FHIP1A: variants seen among roughly 807,000 people sequenced by gnomAD.
FHIP1A encodes the protein FHF complex subunit HOOK-interacting protein 1A.
FHIP1A carries 61 observed loss-of-function variants against 88.6 expected under a neutral mutation model. That is an observed-to-expected ratio of 0.69 (90% confidence interval 0.56 to 0.85). The LOEUF (loss-of-function observed/expected upper bound fraction) is 0.85. Ranked by LOEUF, FHIP1A falls within the 40% of genes least tolerant of loss-of-function variation. FHIP1A has a pLI of 0.00. For synonymous variants in FHIP1A, 478 were observed against 496.0 expected (o/e 0.96, Z 0.48); for missense variants, 1,154 against 1,273.5 (o/e 0.91, Z 1.43).
At chr4:151,605,010 C>G (rs1469290338) in intron 7 of FHIP1A, among the ~76,000 whole-genome samples, 2 of 152,224 alleles carry the variant, frequency 1.3e-5, no homozygotes, top group East Asian at 3.9e-4. Context: ...TTGTCATTAG[C>G]TTGGGAAAAT....
intron 5 of FHIP1A, among the ~76,000 whole-genome samples, chr4:151,580,199 T>C (rs1202870905): frequency 1.3e-5 from 2 of 152,166 alleles, no homozygotes; most frequent in South Asian, 2.1e-4. Context: ...CCCCATGACA[T>C]TGACTTTTTA....
intron 3 of FHIP1A, among the ~76,000 whole-genome samples, chr4:151,548,579 C>T (rs1263659124): frequency 6.6e-6 from 1 of 152,228 alleles, no homozygotes; most frequent in African/African-American, 2.4e-5. Flanking sequence ...CACTGCTACA[C>T]TCCCATCAGC....
intron 7 of FHIP1A, among the ~76,000 whole-genome samples, chr4:151,610,186 C>T (rs866852657): frequency 3.3e-5 from 5 of 152,124 alleles, no homozygotes; most frequent in African/African-American, 1.2e-4. Context: ...AATGCTTTAC[C>T]TTATAGGACT....
intron 8 of FHIP1A, among the ~76,000 whole-genome samples, chr4:151,631,996 A>G (rs780114771): frequency 1.3e-5 from 2 of 152,156 alleles, no homozygotes; most frequent in Non-Finnish European, 2.9e-5. Flanking sequence ...GTCAAAAGAT[A>G]TAAACTGGCT....
intron 1 of FHIP1A, among the ~76,000 whole-genome samples, chr4:151,444,990 C>T (rs573665859): frequency 6.6e-6 from 1 of 152,210 alleles, no homozygotes; most frequent in East Asian, 1.9e-4. Context: ...GTTAGAGAGC[C>T]CACACATTAA....
At chr4:151,569,987 C>G (rs1488488258) in intron 4 of FHIP1A, among the ~76,000 whole-genome samples, 5 of 152,180 alleles carry the variant, frequency 3.3e-5, no homozygotes, top group African/African-American at 9.7e-5. Context: ...AAAGTAGCCC[C>G]TGACTTCCTG....
At chr4:151,414,661 A>G (rs550457419) in intron 1 of FHIP1A, among the ~76,000 whole-genome samples, 12 of 152,264 alleles carry the variant, frequency 7.9e-5, no homozygotes, top group African/African-American at 1.4e-4. Flanking sequence ...TCCAGTATCT[A>G]TGTGTTTTGC....
Position 151,668,689 on chromosome 4 carries a change from C to T in FHIP1A, c.*5935C>T, listed in dbSNP as rs1737751517. On this transcript the variant is annotated 3_prime_UTR_variant, in exon 14 of 14. Transcript: ENST00000435205. ...TCAAAAGGGCCCCACAAAAGGCTGT[C>T]CATTAATTTGTTTCATACAGTAAGC... Among the ~76,000 whole-genome samples the T allele has an allele frequency of 6.6e-6, 1 of 152,208 alleles. No homozygotes were observed. The highest frequency in any genetic ancestry group is 1.5e-5 in the Non-Finnish European group (1 of 68,032).
intron 8 of FHIP1A, among the ~76,000 whole-genome samples, chr4:151,632,547 G>A (rs1408348843): frequency 6.6e-6 from 1 of 151,966 alleles, no homozygotes; most frequent in Non-Finnish European, 1.5e-5. Flanking sequence ...CTCCTCAAGG[G>A]CACATGGAAC....
At chr4:151,467,022 T>C (rs1344327766) in intron 2 of FHIP1A, among the ~76,000 whole-genome samples, 1 of 152,188 alleles carries the variant, frequency 6.6e-6, no homozygotes, top group Non-Finnish European at 1.5e-5. Context: ...CAAAAGAAAC[T>C]AGCATCAGAG....
At chr4:151,613,517 A>AT (rs1472837371) in intron 7 of FHIP1A, among the ~76,000 whole-genome samples, 1 of 152,138 alleles carries the variant, frequency 6.6e-6, no homozygotes, top group African/African-American at 2.4e-5. Flanking sequence ...CTGGGCTTGA[A>AT]TTTTCTTTGA....
At chr4:151,600,287 T>G (rs1734813134) in intron 7 of FHIP1A, among the ~76,000 whole-genome samples, 1 of 152,226 alleles carries the variant, frequency 6.6e-6, no homozygotes, top group Non-Finnish European at 1.5e-5. Context: ...ATATCATTTC[T>G]ATTGACATTT....
chr4:151,449,553 CCTAA>C (rs111322908), intron 1 of FHIP1A, among the ~76,000 whole-genome samples: 11 of 152,170 alleles, frequency 7.2e-5, no homozygotes, highest in Non-Finnish European at 1.3e-4. Flanking sequence ...AAACCTCTCT[CCTAA>C]CTATTTTGTA....
Position 151,669,013 on chromosome 4 carries a change from C to T in FHIP1A, c.*6259C>T, listed in dbSNP as rs28463438. Among the ~76,000 whole-genome samples, 23,913 of 152,098 alleles carry T rather than the reference C, an allele frequency of 0.16. 2,347 individuals carry two copies. Among genetic ancestry groups the T allele is most frequent in the African/African-American group, 0.29 (11,916 of 41,412 alleles). On this transcript the variant is annotated 3_prime_UTR_variant, in exon 14 of 14. Coordinates refer to ENST00000435205, the MANE Select transcript of FHIP1A (RefSeq NM_001109977.3). ...CTCATACATTTTAATGAGATTTCTC[C>T]CTGAAGGGTGAACCAGTAGACCAGA...
At chr4:151,580,117 A>G (rs1560780552) in intron 5 of FHIP1A, among the ~76,000 whole-genome samples, 1 of 152,204 alleles carries the variant, frequency 6.6e-6, no homozygotes, top group Non-Finnish European at 1.5e-5. Flanking sequence ...GTAGAGTCCA[A>G]TAAAAGATAT....
chr4:151,584,415 T>G (rs565535326), intron 5 of FHIP1A, among the ~76,000 whole-genome samples: 2 of 152,126 alleles, frequency 1.3e-5, no homozygotes, highest in African/African-American at 2.4e-5. Context: ...AAGGCAACAA[T>G]AGGTCTACAG....
intron 7 of FHIP1A, among the ~76,000 whole-genome samples, chr4:151,612,455 A>T (rs1735358834): frequency 1.3e-5 from 2 of 152,188 alleles, no homozygotes; most frequent in South Asian, 4.1e-4. Context: ...ATCTCTGCTC[A>T]CTGCAACCTC....
intron 1 of FHIP1A, among the ~76,000 whole-genome samples, chr4:151,416,606 A>G (rs1369833517): frequency 1.3e-5 from 2 of 152,178 alleles, no homozygotes; most frequent in South Asian, 2.1e-4. Flanking sequence ...AAAACTTTGT[A>G]CATCCTCAAA....
intron 3 of FHIP1A, among the ~76,000 whole-genome samples, chr4:151,524,224 C>T (rs1308092876): frequency 6.6e-6 from 1 of 151,876 alleles, no homozygotes; most frequent in Non-Finnish European, 1.5e-5. Context: ...ATCACTTGAA[C>T]CCGGGAGGCG....
Sources: allele counts gnomAD v4.1 joint callset (sites outside exome capture counted in the v4.1 genomes callset), GRCh38; gene constraint gnomAD v4.1.1; transcripts MANE v1.5; gene names NCBI Gene and HGNC (gene_info 2026-07-23, HGNC 2026-07-21).